The following PIEZO2 variants were observed in gnomAD, a reference collection of about 807,000 sequenced individuals.
The protein encoded by PIEZO2 is piezo type mechanosensitive ion channel component 2.
Under a neutral mutation model 337.3 loss-of-function variants are expected in PIEZO2, and 172 were observed. The observed-to-expected ratio is 0.51, with a 90% CI of 0.45 to 0.58. The LOEUF is 0.58. PIEZO2 is among the 20% of genes least tolerant of loss of function. The probability of loss-of-function intolerance (pLI) is 0.00; values close to 1 mark genes in which losing one functional copy is unlikely to be tolerated. For missense variants in PIEZO2, 3,028 were observed against 3,391.3 expected, an observed-to-expected ratio of 0.89 and a Z score of 2.66; for synonymous variants, 1,251 against 1,228.5, an observed-to-expected ratio of 1.02 and a Z score of -0.38.
rs1388742373 is a variant in PIEZO2 at position 10,903,317 on chromosome 18, C to T, written c.329+7869G>A. 1.3e-5 allele frequency among the ~76,000 whole-genome samples: 2 copies of T among 152,134 alleles called. No homozygotes were observed. Among genetic ancestry groups the T allele is most frequent in the Non-Finnish European group, 2.9e-5 (2 of 68,024 alleles). On this transcript the variant is annotated intron_variant, in intron 4 of 55. Transcript: ENST00000674853. This position sits in a 1 kb window ranked among gnomAD's most constrained non-coding sequence, Gnocchi z 4.1. The stretch of plus-strand genomic sequence containing the variant: ...TGCTCGAGTGACATTTCTAGAAGCA[C>T]ATCTAAGCTTACCTTCTCTGGGGTT...
At chr18:10,948,010 A>G (rs1431852222) in intron 3 of PIEZO2, among the ~76,000 whole-genome samples, 1 of 152,158 alleles carries the variant, frequency 6.6e-6, no homozygotes, top group Non-Finnish European at 1.5e-5. Flanking sequence ...AAGAAAAGAA[A>G]AAAGAAAGAA....
At position 10,877,194 on chromosome 18, in the gene PIEZO2, A is replaced by G. The variant is rs1000715490; in HGVS notation, c.330-5779T>C. ...TTCTCACTCTACAAGATCACCCTGG[A>G]TGATATCCATCCCCAAGGCCCTAAT... On this transcript the variant is annotated intron_variant, in intron 4 of 55. Coordinates refer to ENST00000674853, the MANE Select transcript of PIEZO2 (RefSeq NM_001378183.1). This position sits in a 1 kb window ranked among gnomAD's most constrained non-coding sequence, Gnocchi z 5.3. Among the ~76,000 whole-genome samples, 6 of 152,170 alleles carry G rather than the reference A, an allele frequency of 3.9e-5. No homozygotes were observed. The highest frequency in any genetic ancestry group is 1.4e-4 in the African/African-American group (6 of 41,454).
intron 4 of PIEZO2, among the ~76,000 whole-genome samples, chr18:10,886,323 C>CATATAT (rs58335722): frequency 3.0e-4 from 8 of 26,378 alleles, no homozygotes; most frequent in South Asian, 2.7e-3. Context: ...CCTATACATA[C>CATATAT]ATATATATAT....
chr18:10,990,529 G>T (rs2035048729), intron 2 of PIEZO2, among the ~76,000 whole-genome samples: 1 of 151,930 alleles, frequency 6.6e-6, no homozygotes, highest in Non-Finnish European at 1.5e-5. Flanking sequence ...AATCAGACAA[G>T]CCCCAAGCCC....
At chr18:11,090,022 C>A (rs2039026291) in intron 1 of PIEZO2, among the ~76,000 whole-genome samples, 1 of 152,164 alleles carries the variant, frequency 6.6e-6, no homozygotes, top group South Asian at 2.1e-4. Context: ...TATTGACCAG[C>A]CAGCAGGGCT....
At chr18:10,917,136 G>A (rs264283) in intron 3 of PIEZO2, among the ~76,000 whole-genome samples, 142,503 of 151,840 alleles carry the variant, frequency 0.94, 66,971 homozygotes, top group East Asian at 1. Flanking sequence ...ACAAAAGGTC[G>A]GTCACCCACC....
At chr18:10,985,863 A>G (rs2034849748) in intron 2 of PIEZO2, among the ~76,000 whole-genome samples, 1 of 152,026 alleles carries the variant, frequency 6.6e-6, no homozygotes. Flanking sequence ...CAAAATGTCA[A>G]TAATAGGTCC....
In PIEZO2 at chr18:10,969,480, T is replaced by C. The variant is rs148292348; in HGVS notation, c.286+10055A>G. 1.3e-5 allele frequency among the ~76,000 whole-genome samples: 2 copies of C among 152,264 alleles called. No individual in the cohort carries two copies. Among genetic ancestry groups the C allele is most frequent in the East Asian group, 3.9e-4 (2 of 5,182 alleles). ...TTGAGACCTCCTTGTTAAAGCACAG[T>C]CCCACACCTCCTTTTCTTCTCTTTC... On this transcript the variant is annotated intron_variant, in intron 3 of 55. Coordinates refer to ENST00000674853, the MANE Select transcript of PIEZO2 (RefSeq NM_001378183.1). This position sits in a 1 kb window ranked among gnomAD's most constrained non-coding sequence, Gnocchi z 4.5.
At chr18:10,922,469 A>G (rs264275) in intron 3 of PIEZO2, among the ~76,000 whole-genome samples, 75,676 of 151,882 alleles carry the variant, frequency 0.5, 19,105 homozygotes, top group South Asian at 0.65. Context: ...CTTTAGTGCA[A>G]GACCCATGGG....
chr18:10,680,632 T>TA (rs1555623056), intron 51 of PIEZO2, among the ~76,000 whole-genome samples: 4 of 152,134 alleles, frequency 2.6e-5, no homozygotes, highest in Non-Finnish European at 5.9e-5. Flanking sequence ...AGTTAAACAA[T>TA]AAAGGAAAAA....
chr18:10,840,206 C>A (rs76536564), intron 7 of PIEZO2, among the ~76,000 whole-genome samples: 1 of 152,006 alleles, frequency 6.6e-6, no homozygotes, highest in Non-Finnish European at 1.5e-5. Context: ...AAGTCAAATA[C>A]TAACTTTATG....
At position 10,726,287 on chromosome 18, in the gene PIEZO2, C is replaced by T. The variant is rs1050094321; in HGVS notation, c.5029+5120G>A. On this transcript the variant is annotated intron_variant, in intron 36 of 55. Transcript: ENST00000674853. This position sits in a 1 kb window ranked among gnomAD's most constrained non-coding sequence, Gnocchi z 5.9. ...CGGGAGCATGAGAATGGAAGCGTCG[C>T]GGCCAGAGCCCCGGCCAGGTGGAGC... 2 of 933,696 alleles carry T rather than the reference C, an allele frequency of 2.1e-6. No homozygotes were observed. The highest frequency in any genetic ancestry group is 3.3e-5 in the African/African-American group (2 of 60,762). 57.8% of individuals were successfully genotyped at this position (933,696 alleles called of 1,614,324 possible).
rs1376790435 is a variant in PIEZO2, at chr18:10,748,584, G to T, written c.4311C>A (p.Ile1437=). The T allele has an allele frequency of 1.3e-6, 2 of 1,531,926 alleles. No individual in the cohort carries two copies. Among genetic ancestry groups the T allele is most frequent in the Non-Finnish European group, 1.7e-6 (2 of 1,144,816 alleles). 94.9% of individuals were successfully genotyped at this position (1,531,926 alleles called of 1,614,324 possible). ...AGGCAAAACATATGCTGTCCCAAAT[G>T]ATTCCTGCTTCCCCACTGGGAAGTG... The part of the protein sequence containing the change: ...PCTLPSGEAG[I]IWDSICFAFL... The change falls in exon 30 of 56, where the codon ATC becomes ATA. Residue 1437 remains isoleucine (I), a synonymous_variant. Coordinates refer to ENST00000674853, the MANE Select transcript of PIEZO2 (RefSeq NM_001378183.1). This position sits in a 1 kb window ranked among gnomAD's most constrained non-coding sequence, Gnocchi z 5.1.
At chr18:10,809,268 T>C (rs2040104336) in intron 7 of PIEZO2, among the ~76,000 whole-genome samples, 1 of 126,000 alleles carries the variant, frequency 7.9e-6, no homozygotes, top group African/African-American at 3.3e-5. Flanking sequence ...CTCTTTTTTT[T>C]TTTTTTTTTT....
chr18:10,817,920 CA>C (rs34222546), intron 7 of PIEZO2, among the ~76,000 whole-genome samples: 2,280 of 64,192 alleles, frequency 0.036, 23 homozygotes, highest in African/African-American at 0.045. Flanking sequence ...AAGACTCTGT[CA>C]AAAAAAAAAA....
intron 3 of PIEZO2, among the ~76,000 whole-genome samples, chr18:10,915,124 A>C (rs1171528448): frequency 4.4e-5 from 6 of 136,332 alleles, no homozygotes; most frequent in African/African-American, 1.4e-4. Flanking sequence ...AACCTCTGCC[A>C]GTTTCTGCAC....
At chr18:10,681,019 T>A (rs1252469084) in intron 51 of PIEZO2, among the ~76,000 whole-genome samples, 1 of 152,250 alleles carries the variant, frequency 6.6e-6, no homozygotes, top group Non-Finnish European at 1.5e-5. Flanking sequence ...TTTTTTGTAA[T>A]TTTAAAAATA....
chr18:10,869,219 AAG>A (rs1418747532), intron 5 of PIEZO2, among the ~76,000 whole-genome samples: 1 of 152,192 alleles, frequency 6.6e-6, no homozygotes, highest in Non-Finnish European at 1.5e-5. Flanking sequence ...TAGAAGAAGA[AAG>A]AGAAGAAACA....
rs886796401 is a variant in PIEZO2, at chr18:10,713,305, T to C, written c.5423+1459A>G. Among the ~76,000 whole-genome samples, 7 of 152,026 alleles carry C rather than the reference T, an allele frequency of 4.6e-5. No homozygotes were observed. Among genetic ancestry groups the C allele is most frequent in the African/African-American group, 1.7e-4 (7 of 41,434 alleles). On this transcript the variant is annotated intron_variant, in intron 39 of 55. Coordinates refer to ENST00000674853, the MANE Select transcript of PIEZO2 (RefSeq NM_001378183.1). The surrounding 1 kb of genome is among the most constrained non-coding windows in gnomAD (Gnocchi z 4.5). ...ATTGGCATAATTAGAGAGGCTCAAA[T>C]ACAGGAATGCAGCAACAGTTAATTA...
Sources: allele counts gnomAD v4.1 joint callset (sites outside exome capture counted in the v4.1 genomes callset), GRCh38; gene constraint gnomAD v4.1.1; non-coding constraint Gnocchi (gnomAD v3.1); transcripts MANE v1.5; gene names NCBI Gene and HGNC (gene_info 2026-07-23, HGNC 2026-07-21).